The following NPHP4 variants were observed in gnomAD, a reference collection of about 807,000 sequenced individuals.
The protein encoded by NPHP4 is nephrocystin 4.
In NPHP4, 151 loss-of-function variants were observed where a neutral mutation model predicts 155.8. The observed-to-expected ratio is 0.97, with a 90% CI of 0.85 to 1.11. The LOEUF (loss-of-function observed/expected upper bound fraction) is 1.11, where lower values mean the gene tolerates loss of function less well. Among genes scored for constraint, NPHP4 ranks in the 50% least tolerant of loss-of-function variants. The probability of loss-of-function intolerance (pLI) is 0.00; values close to 1 mark genes in which losing one functional copy is unlikely to be tolerated. For missense variants in NPHP4, 1,956 were observed against 1,925.7 expected (o/e 1.02, Z -0.29); for synonymous variants, 845 against 816.8 (o/e 1.03, Z -0.59).
At chr1:5,937,583 G>A (rs1233173292) in intron 9 of NPHP4, among the ~76,000 whole-genome samples, 1 of 152,088 alleles carries the variant, frequency 6.6e-6, no homozygotes, top group East Asian at 1.9e-4. Flanking sequence ...AACTGGGAAT[G>A]CACAGTGAAG....
intron 9 of NPHP4, among the ~76,000 whole-genome samples, chr1:5,943,449 GCCCCTAGA>G (rs1299658510): frequency 6.6e-6 from 1 of 152,130 alleles, no homozygotes; most frequent in Non-Finnish European, 1.5e-5. Context: ...TCCACAAAGG[GCCCCTAGA>G]CACCATAGCT....
chr1:5,971,033 A>T (rs983721662), intron 3 of NPHP4, among the ~76,000 whole-genome samples: 4 of 152,176 alleles, frequency 2.6e-5, no homozygotes, highest in African/African-American at 9.7e-5. Context: ...TTCTATTTAT[A>T]CCTGTGCTTA....
At position 5,869,816 on chromosome 1, in the gene NPHP4, C is replaced by T. The variant is rs139756255; in HGVS notation, c.3316-1920G>A. On this transcript the variant is annotated intron_variant, in intron 23 of 29. Coordinates refer to ENST00000378156, the MANE Select transcript of NPHP4 (RefSeq NM_015102.5). ...ATTAGGCAAATAAGTAAGCCAAATG[C>T]GAGCTAGGTTTCTCATGAGCAGAAA... is the stretch of plus-strand genomic sequence containing the variant. Among the ~76,000 whole-genome samples, 475 of 152,192 alleles carry T rather than the reference C, an allele frequency of 3.1e-3. 3 individuals are homozygous for T. Among genetic ancestry groups the T allele is most frequent in the African/African-American group, 0.011 (442 of 41,490 alleles).
At chr1:5,868,993 GCA>G (rs1272389831) in intron 23 of NPHP4, among the ~76,000 whole-genome samples, 85 of 71,412 alleles carry the variant, frequency 1.2e-3, no homozygotes, top group East Asian at 2.2e-3. Context: ...ACCCACACAT[GCA>G]CACACACGCA....
rs1644060303 is a variant in NPHP4 at position 5,890,426 on chromosome 1, T to G, written c.2304+442A>C. ...GAAAAGGACAATTAGTAAAAGAGAT[T>G]CTAATTTTCACCAGAATGAGAAAAG... On this transcript the variant is annotated intron_variant, in intron 17 of 29. Coordinates refer to ENST00000378156, the MANE Select transcript of NPHP4 (RefSeq NM_015102.5). The surrounding 1 kb of genome is among the most constrained non-coding windows in gnomAD (Gnocchi z 4.9). Among the ~76,000 whole-genome samples the G allele has an allele frequency of 6.6e-6, 1 of 152,132 alleles. No individual in the cohort carries two copies. The highest frequency in any genetic ancestry group is 2.4e-5 in the African/African-American group (1 of 41,486).
chr1:5,986,320 C>T lies in NPHP4; in HGVS notation c.-31G>A, dbSNP rs1342002678. 2 of 1,611,770 alleles carry T rather than the reference C, an allele frequency of 1.2e-6. No homozygotes were observed. The highest frequency in any genetic ancestry group is 1.7e-6 in the Non-Finnish European group (2 of 1,178,870). The stretch of plus-strand genomic sequence containing the variant: ...CCGCCTGAGGGTCCCGTGGGCTTCC[C>T]GGATGATCTGTGCCAGTCGTATTCA... On this transcript the variant is annotated 5_prime_UTR_variant, in exon 2 of 30. Coordinates refer to ENST00000378156, the MANE Select transcript of NPHP4 (RefSeq NM_015102.5).
At chr1:5,903,968 C>T (rs1644793770) in intron 16 of NPHP4, among the ~76,000 whole-genome samples, 1 of 152,200 alleles carries the variant, frequency 6.6e-6, no homozygotes, top group Non-Finnish European at 1.5e-5. Flanking sequence ...CAAAAAAAAG[C>T]ATCTAATCAT....
intron 9 of NPHP4, among the ~76,000 whole-genome samples, chr1:5,934,451 G>A (rs1373028802): frequency 1.3e-5 from 2 of 152,064 alleles, no homozygotes; most frequent in South Asian, 2.1e-4. Context: ...TGTCCCATGC[G>A]CAGGAGAAAC....
rs780422871 is a variant in NPHP4, at chr1:5,863,251, T to A, written c.*14A>T. On this transcript the variant is annotated 3_prime_UTR_variant, in exon 30 of 30. Coordinates refer to ENST00000378156, the MANE Select transcript of NPHP4 (RefSeq NM_015102.5). ...CCAGCTGGGTGCCGCAGGAAGGACG[T>A]CACCCTCAAGCCCTCACTGGTAGAT... The A allele has an allele frequency of 2.5e-6, 4 of 1,613,844 alleles. No individual in the cohort carries two copies. The highest frequency in any genetic ancestry group is 3.4e-6 in the Non-Finnish European group (4 of 1,179,746).
At position 5,863,045 on chromosome 1, in the gene NPHP4, C is replaced by T. The variant is rs903503467; in HGVS notation, c.*220G>A. The T allele has an allele frequency of 8.9e-5, 52 of 584,886 alleles. No homozygotes were observed. In the Middle Eastern group the frequency reaches 1.8e-3, roughly 21 times the overall value. The allele number at this position is 584,886 out of a possible 1,614,324, so 36.2% of individuals were successfully genotyped here. ...CCCACCACCACGGAGTTCGCGCTCA[C>T]GGAACCCAGGCCTGCTGGGTGTCAG... On this transcript the variant is annotated 3_prime_UTR_variant, in exon 30 of 30. Transcript: ENST00000378156.
chr1:5,954,742 T>C (rs971321555), intron 6 of NPHP4, among the ~76,000 whole-genome samples: 5 of 152,150 alleles, frequency 3.3e-5, no homozygotes, highest in Admixed American at 2.6e-4. Flanking sequence ...ACTATGAAAC[T>C]ACTAGAAGAA....
At chr1:5,920,657 T>C (rs902660174) in intron 11 of NPHP4, among the ~76,000 whole-genome samples, 1 of 152,226 alleles carries the variant, frequency 6.6e-6, no homozygotes, top group Non-Finnish European at 1.5e-5. Flanking sequence ...TGGCTATCCT[T>C]TGCCCATTTT....
intron 2 of NPHP4, among the ~76,000 whole-genome samples, chr1:5,982,607 G>T (rs923630444): frequency 5.3e-5 from 8 of 151,996 alleles, no homozygotes; most frequent in Non-Finnish European, 1.0e-4. Context: ...TATCTAATTT[G>T]TTCCTTTATT....
At chr1:5,879,458 T>G (rs749141023) in intron 19 of NPHP4, 5 of 474,138 alleles carry the variant, frequency 1.1e-5, no homozygotes, top group African/African-American at 1.0e-4. Context: ...CATAATTGGC[T>G]TCTTTCTTCT....
chr1:5,877,181 G>A lies in NPHP4; in HGVS notation c.2729C>T (p.Ala910Val), dbSNP rs1458700715. Residue 910 changes from alanine to valine, a missense_variant, in exon 20 of 30, where the codon GCC becomes GTC. Transcript: ENST00000378156. ...GPQDVSRESDATRRRKLERMR... is the reference protein window; with the variant it reads ...GPQDVSRESDVTRRRKLERMR... ...CCGCTCCAGCTTACGCCTGCGGGTG[G>A]CATCCGACTCGCGGCTGACGTCCTG... The A allele has an allele frequency of 1.9e-6, 3 of 1,604,438 alleles. No homozygotes were observed. The highest frequency in any genetic ancestry group is 1.7e-6 in the Non-Finnish European group (2 of 1,174,844).
chr1:5,896,915 C>A lies in NPHP4; in HGVS notation c.2144-5887G>T, dbSNP rs1358675433. ...GCTCCCGGAATAATAATGAGTGCAA[C>A]CCCATGCATCGATGAAGATGCAGGA... is the stretch of plus-strand genomic sequence containing the variant. On this transcript the variant is annotated intron_variant, in intron 16 of 29. Transcript: ENST00000378156. Among the ~76,000 whole-genome samples, 4 of 152,296 alleles carry A rather than the reference C, an allele frequency of 2.6e-5. No homozygotes were observed. The East Asian group carries it at 7.7e-4, about 29-fold the overall frequency.
intron 1 of NPHP4, among the ~76,000 whole-genome samples, chr1:5,991,921 C>CAGGGGG (rs1553206807): frequency 9.9e-6 from 1 of 100,962 alleles, no homozygotes; most frequent in East Asian, 3.1e-4. Flanking sequence ...TGCAGAGAGG[C>CAGGGGG]CAGGGGGCAG....
At chr1:5,881,939 G>C (rs543591737) in intron 18 of NPHP4, 1 of 152,294 alleles carries the variant, frequency 6.6e-6, no homozygotes, top group African/African-American at 2.4e-5. Context: ...CCTACTGTCT[G>C]CGCACGAGCA....
At chr1:5,985,143 A>C (rs1370843545) in intron 2 of NPHP4, among the ~76,000 whole-genome samples, 1 of 152,238 alleles carries the variant, frequency 6.6e-6, no homozygotes, top group East Asian at 1.9e-4. Context: ...TCAGTGATTT[A>C]ATAATAGTAA....
Sources: gnomAD v4.1 joint callset for allele counts (sites outside exome capture counted in the v4.1 genomes callset) on GRCh38, gnomAD v4.1.1 for gene constraint, Gnocchi (gnomAD v3.1) non-coding constraint, MANE v1.5 for transcripts, NCBI Gene and HGNC (gene_info 2026-07-23, HGNC 2026-07-21) for gene names.